DOCK1: variants seen among roughly 807,000 people sequenced by gnomAD.
DOCK1 encodes the protein dedicator of cytokinesis protein 1.
In DOCK1, 138 loss-of-function variants were observed where a neutral mutation model predicts 262.7. The ratio of observed to expected loss-of-function variants is 0.53; its 90% CI spans 0.46 to 0.61. DOCK1 has a LOEUF of 0.61. Among genes scored for constraint, DOCK1 ranks in the 20% least tolerant of loss-of-function variants. The pLI, the probability that DOCK1 is intolerant of heterozygous loss-of-function variation, is 0.00. For missense variants in DOCK1, 1,908 were observed against 2,370.7 expected (o/e 0.80, Z 4.05); for synonymous variants, 866 against 867.4 (o/e 1.00, Z 0.03).
In DOCK1 at chr10:127,061,480, G is replaced by A. The variant is rs550392434; in HGVS notation, c.2337-188G>A. Among the ~76,000 whole-genome samples the A allele has an allele frequency of 1.8e-4, 27 of 152,328 alleles. No individual in the cohort carries two copies. The East Asian group carries it at 2.7e-3, about 15-fold the overall frequency. On this transcript the variant is annotated intron_variant, in intron 22 of 51. Transcript: ENST00000623213. ...GGTCAGCCTCTGTATGTGGAGGCACGCTGCCTTGGCTGAGTGGTCTGCATG... is the reference window on the plus strand; with the variant it reads ...GGTCAGCCTCTGTATGTGGAGGCACACTGCCTTGGCTGAGTGGTCTGCATG...
intron 49 of DOCK1, among the ~76,000 whole-genome samples, chr10:127,442,836 G>T (rs1161491629): frequency 6.6e-6 from 1 of 152,242 alleles, no homozygotes; most frequent in East Asian, 1.9e-4. Flanking sequence ...GTGTGTCCTT[G>T]CTGGCTATCT....
chr10:127,158,832 T>C (rs1194374834), intron 27 of DOCK1, among the ~76,000 whole-genome samples: 1 of 152,204 alleles, frequency 6.6e-6, no homozygotes, highest in Non-Finnish European at 1.5e-5. Context: ...ACAATGCATA[T>C]AGCTTGGAAA....
chr10:126,983,582 C>T (rs1441027827), intron 4 of DOCK1, among the ~76,000 whole-genome samples: 1 of 152,086 alleles, frequency 6.6e-6, no homozygotes, highest in Admixed American at 6.5e-5. Flanking sequence ...TGCATGAGCT[C>T]TCTCTTGCAT....
chr10:127,157,757 T>C (rs2133599615), intron 27 of DOCK1, among the ~76,000 whole-genome samples: 1 of 152,358 alleles, frequency 6.6e-6, no homozygotes. Flanking sequence ...AGGACTTCAT[T>C]ACCATGAAGG....
intron 27 of DOCK1, among the ~76,000 whole-genome samples, chr10:127,203,698 G>A (rs974036312): frequency 1.4e-5 from 2 of 145,030 alleles, no homozygotes; most frequent in Non-Finnish European, 3.0e-5. Context: ...AACAGTCTTC[G>A]CTTTAATTGC....
intron 11 of DOCK1, among the ~76,000 whole-genome samples, chr10:127,009,998 ATCT>A (rs2041310007): frequency 6.6e-6 from 1 of 152,180 alleles, no homozygotes; most frequent in Non-Finnish European, 1.5e-5. Flanking sequence ...AGATTTTGCT[ATCT>A]TCTTGACGTA....
At chr10:127,015,477 C>T (rs887506752) in intron 12 of DOCK1, among the ~76,000 whole-genome samples, 1 of 152,190 alleles carries the variant, frequency 6.6e-6, no homozygotes, top group African/African-American at 2.4e-5. Context: ...GTGGGCCTTT[C>T]TCCTGCCTCT....
intron 4 of DOCK1, among the ~76,000 whole-genome samples, chr10:126,984,284 G>A (rs978551167): frequency 6.6e-6 from 1 of 152,114 alleles, no homozygotes; most frequent in African/African-American, 2.4e-5. Context: ...ACTGTTGGGT[G>A]AGCATCTGCT....
chr10:127,201,906 A>G (rs1199220632), intron 27 of DOCK1, among the ~76,000 whole-genome samples: 2 of 152,170 alleles, frequency 1.3e-5, no homozygotes, highest in Non-Finnish European at 2.9e-5. Flanking sequence ...GCACAGGTAG[A>G]TGGCTCAATG....
At chr10:127,196,654 C>CGTGGGG (rs1278922714) in intron 27 of DOCK1, among the ~76,000 whole-genome samples, 1 of 101,294 alleles carries the variant, frequency 9.9e-6, no homozygotes, top group Non-Finnish European at 2.0e-5. Context: ...GGGCCGCGTG[C>CGTGGGG]GTGGGGTGGG....
intron 29 of DOCK1, among the ~76,000 whole-genome samples, chr10:127,268,523 G>GAA: frequency 2.1e-5 from 1 of 48,748 alleles, no homozygotes; most frequent in South Asian, 7.9e-4. Context: ...AAAAAAAAAA[G>GAA]AAGAGGAAAG....
intron 19 of DOCK1, among the ~76,000 whole-genome samples, chr10:127,041,404 T>C (rs1055391453): frequency 6.6e-6 from 1 of 152,234 alleles, no homozygotes; most frequent in Non-Finnish European, 1.5e-5. Flanking sequence ...GGCCTGCTTT[T>C]ATGCCTTTTT....
At position 127,385,698 on chromosome 10, in the gene DOCK1, A is replaced by C. The variant is rs7085210; in HGVS notation, c.3927+789A>C. 1.1e-4 allele frequency among the ~76,000 whole-genome samples: 17 copies of C among 152,236 alleles called. 1 individual carries two copies. The highest frequency in any genetic ancestry group is 4.1e-4 in the African/African-American group (17 of 41,544). On this transcript the variant is annotated intron_variant, in intron 38 of 51. Coordinates refer to ENST00000623213, the MANE Select transcript of DOCK1 (RefSeq NM_001290223.2). Reference sequence around the variant, plus strand: ...CTGGGAGCTGCAAGCCTGATGTCACAGTGTTGGCGTGGCCGCCCCCTCTGA... The same window carrying C: ...CTGGGAGCTGCAAGCCTGATGTCACCGTGTTGGCGTGGCCGCCCCCTCTGA...
At chr10:127,435,359 C>T (rs1354086303) in intron 48 of DOCK1, among the ~76,000 whole-genome samples, 1 of 152,150 alleles carries the variant, frequency 6.6e-6, no homozygotes, top group Non-Finnish European at 1.5e-5. Flanking sequence ...CAGAGAGCCC[C>T]AAGGGACGGC....
At chr10:127,237,579 C>T (rs1351352335) in intron 27 of DOCK1, among the ~76,000 whole-genome samples, 1 of 152,092 alleles carries the variant, frequency 6.6e-6, no homozygotes, top group Non-Finnish European at 1.5e-5. Flanking sequence ...GCTTTATGTG[C>T]AAAAGCAACA....
intron 1 of DOCK1, among the ~76,000 whole-genome samples, chr10:126,908,246 G>C (rs1488170029): frequency 1.3e-5 from 2 of 152,218 alleles, no homozygotes; most frequent in Non-Finnish European, 2.9e-5. Flanking sequence ...GACTGGGAAG[G>C]ATGTAGGTGC....
intron 27 of DOCK1, among the ~76,000 whole-genome samples, chr10:127,221,504 C>G (rs189071369): frequency 6.6e-6 from 1 of 152,286 alleles, no homozygotes; most frequent in Admixed American, 6.5e-5. Flanking sequence ...ATGGTCAGCT[C>G]CAGTCTGCTC....
rs577243152 is a variant in DOCK1, at chr10:127,261,117, ATG to A, written c.3044+3697_3044+3698del. Among the ~76,000 whole-genome samples the A allele has an allele frequency of 7.9e-3, 734 of 92,716 alleles. 13 individuals are homozygous for A. Among genetic ancestry groups the A allele is most frequent in the African/African-American group, 0.028 (646 of 22,716 alleles). The allele number at this position is 92,716 out of a possible 152,430, so 60.8% of individuals were successfully genotyped here. A position where few individuals can be genotyped will look rare whatever the true frequency, so the allele number is the denominator to read the frequency against. On this transcript the variant is annotated intron_variant, in intron 29 of 51. Transcript: ENST00000623213. ...TGTGTGTGTACCTGCATGTGTGTGC[ATG>A]TGTGTGTGCCTGCATGTGTGTGCGT...
intron 29 of DOCK1, among the ~76,000 whole-genome samples, chr10:127,273,304 C>G (rs569493831): frequency 1.3e-5 from 2 of 152,262 alleles, no homozygotes; most frequent in East Asian, 3.9e-4. Flanking sequence ...CAGCATTCAC[C>G]CTTCACCCTT....
Sources: gnomAD v4.1 joint callset for allele counts (sites outside exome capture counted in the v4.1 genomes callset) on GRCh38, gnomAD v4.1.1 for gene constraint, MANE v1.5 for transcripts, NCBI Gene and HGNC (gene_info 2026-07-23, HGNC 2026-07-21) for gene names.